The following IL1R1 variants were observed in gnomAD, a reference collection of about 807,000 sequenced individuals.
The protein encoded by IL1R1 is interleukin-1 receptor type 1.
In IL1R1, 22 loss-of-function variants were observed where a neutral mutation model predicts 50.2. The ratio of observed to expected loss-of-function variants is 0.44; its 90% confidence interval spans 0.31 to 0.63. IL1R1 has a LOEUF of 0.63. Ranked by LOEUF, IL1R1 falls within the 20% of genes least tolerant of loss-of-function variation. The pLI is 0.07. For missense variants in IL1R1, 509 were observed against 676.2 expected (o/e 0.75, Z 2.74); for synonymous variants, 251 against 236.7 (o/e 1.06, Z -0.55).
upstream of IL1R1, among the ~76,000 whole-genome samples, chr2:102,138,252 G>A (rs749418012): frequency 3.3e-5 from 5 of 152,132 alleles, no homozygotes; most frequent in Non-Finnish European, 7.4e-5. Flanking sequence ...CTTGGATGTC[G>A]CCAAGTCTAT....
At chr2:102,124,913 C>T (rs1312868643) in intron 1 of IL1R1, among the ~76,000 whole-genome samples, 7 of 145,964 alleles carry the variant, frequency 4.8e-5, no homozygotes, top group African/African-American at 1.8e-4. Flanking sequence ...AAGACTCTGT[C>T]TCAAAAAATA....
intron 1 of IL1R1, among the ~76,000 whole-genome samples, chr2:102,131,647 T>A (rs565244420): frequency 9.3e-5 from 14 of 150,296 alleles, no homozygotes; most frequent in African/African-American, 2.9e-4. Flanking sequence ...ATAGAAACTA[T>A]AAAAAAAAAC....
Position 102,177,726 on chromosome 2 carries a change from T to A in IL1R1, c.*967T>A, listed in dbSNP as rs1686260069. 2 of 152,364 alleles carry A rather than the reference T, an allele frequency of 1.3e-5. No homozygotes were observed. The highest frequency in any genetic ancestry group is 4.8e-5 in the African/African-American group (2 of 41,442). 9.4% of individuals were successfully genotyped at this position (152,364 alleles called of 1,614,324 possible). Reference sequence around the variant, plus strand: ...CAACAGTAGCAGGGAATTGATCCACTTCTTAATGCTTTCCTCCCTGGCATG... The same window carrying A: ...CAACAGTAGCAGGGAATTGATCCACATCTTAATGCTTTCCTCCCTGGCATG... On this transcript the variant is annotated 3_prime_UTR_variant, in exon 12 of 12. Transcript: ENST00000410023.
rs71866133 is a variant in IL1R1, at chr2:102,129,256, TACAACAACA to T, written c.-84+24416_-84+24424del. Among the ~76,000 whole-genome samples, 145 of 149,524 alleles carry T rather than the reference TACAACAACA, an allele frequency of 9.7e-4. 3 individuals are homozygous for T. Among genetic ancestry groups the T allele is most frequent in the South Asian group, 6.5e-3 (30 of 4,634 alleles). ...AATCAACAATGAAACCCCAAAAACC[TACAACAACA>T]ACAACAACAACAACAACAACAACAA... On this transcript the variant is annotated intron_variant, in intron 1 of 10. Coordinates refer to the IL1R1 transcript ENST00000409329.
At chr2:102,095,168 A>G (rs1253470206) in intron 1 of IL1R1, among the ~76,000 whole-genome samples, 1 of 152,212 alleles carries the variant, frequency 6.6e-6, no homozygotes, top group Non-Finnish European at 1.5e-5. Flanking sequence ...CTTTCCCCTG[A>G]GTCACACACA....
At chr2:102,155,053 C>A (rs1163873156) in intron 2 of IL1R1, among the ~76,000 whole-genome samples, 2 of 152,222 alleles carry the variant, frequency 1.3e-5, no homozygotes, top group African/African-American at 4.8e-5. Flanking sequence ...CCCTGGGAAC[C>A]TTGTTCCTGT....
intron 1 of IL1R1, among the ~76,000 whole-genome samples, chr2:102,129,460 G>A (rs527974833): frequency 5.9e-5 from 9 of 152,172 alleles, no homozygotes; most frequent in African/African-American, 2.2e-4. Flanking sequence ...ATTGAGCATA[G>A]GTCAGATGAC....
chr2:102,149,769 T>G (rs1190027813), intron 1 of IL1R1, among the ~76,000 whole-genome samples: 3 of 152,128 alleles, frequency 2.0e-5, no homozygotes, highest in Non-Finnish European at 2.9e-5. Flanking sequence ...CAGGGCCCCT[T>G]CCAATATGGA....
At chr2:102,115,430 G>A (rs796966152) in intron 1 of IL1R1, among the ~76,000 whole-genome samples, 35 of 152,260 alleles carry the variant, frequency 2.3e-4, no homozygotes, top group Non-Finnish European at 3.7e-4. Context: ...TTGTGTAAAC[G>A]TAGCCACTTT....
intron 10 of IL1R1, 32 bp from the exon 11 acceptor site, chr2:102,175,446 G>A: frequency 6.4e-7 from 1 of 1,562,450 alleles, no homozygotes; most frequent in Non-Finnish European, 8.8e-7. Context: ...TTTTTGCCTT[G>A]TGGTTCTAAA....
chr2:102,148,981 C>CAAACAAACAAAG lies in IL1R1; in HGVS notation c.-83-4960_-83-4959insAAACAAACAAAG, dbSNP rs1553632095. ...ACAAACAAACAAACAAACAAACAAA[C>CAAACAAACAAAG]GGGTAACAGGAAGACATCATAATTA... On this transcript the variant is annotated intron_variant, in intron 1 of 11. Transcript: ENST00000410023. 1.2e-4 allele frequency among the ~76,000 whole-genome samples: 18 copies of CAAACAAACAAAG among 147,568 alleles called. 2 individuals carry two copies. Among genetic ancestry groups the CAAACAAACAAAG allele is most frequent in the African/African-American group, 3.4e-4 (14 of 40,586 alleles).
intron 1 of IL1R1, among the ~76,000 whole-genome samples, chr2:102,077,527 C>G (rs746987876): frequency 8.5e-5 from 13 of 152,202 alleles, no homozygotes. Flanking sequence ...GATCTTTCCT[C>G]TAGCATCTTG....
intron 1 of IL1R1, among the ~76,000 whole-genome samples, chr2:102,106,014 G>T (rs1314217859): frequency 6.6e-6 from 1 of 152,160 alleles, no homozygotes; most frequent in Non-Finnish European, 1.5e-5. Context: ...ATTAAGGAAA[G>T]AAAATAACAA....
chr2:102,125,765 G>A (rs531423484), intron 1 of IL1R1, among the ~76,000 whole-genome samples: 24 of 152,320 alleles, frequency 1.6e-4, no homozygotes, highest in African/African-American at 5.8e-4. Flanking sequence ...AAGGAAGACT[G>A]AGGAATGCGA....
At chr2:102,099,032 A>G (rs551276393) in intron 1 of IL1R1, among the ~76,000 whole-genome samples, 2 of 152,356 alleles carry the variant, frequency 1.3e-5, no homozygotes, top group Non-Finnish European at 2.9e-5. Context: ...TTACCTTATT[A>G]AACACAATAA....
intron 1 of IL1R1, among the ~76,000 whole-genome samples, chr2:102,080,709 C>T (rs1240186045): frequency 6.6e-6 from 1 of 152,128 alleles, no homozygotes; most frequent in East Asian, 1.9e-4. Flanking sequence ...AATTCCACTC[C>T]TAGGTATCTA....
intron 6 of IL1R1, among the ~76,000 whole-genome samples, chr2:102,167,053 A>G (rs1006707790): frequency 4.6e-5 from 7 of 152,190 alleles, no homozygotes; most frequent in African/African-American, 1.4e-4. Flanking sequence ...GATTTATGTA[A>G]TAAAATAAGA....
rs1686057517 is a variant in IL1R1 at position 102,175,577 on chromosome 2, C to G, written c.1235C>G (p.Pro412Arg). ...GATATTTTTGTGTTTAAAGTCTTGCCTGAGGTCTTGGAAAAACAGTGTGGA... is the reference window on the plus strand; with the variant it reads ...GATATTTTTGTGTTTAAAGTCTTGCGTGAGGTCTTGGAAAAACAGTGTGGA... ...DCDIFVFKVLPEVLEKQCGYK... is the reference protein window; with the variant it reads ...DCDIFVFKVLREVLEKQCGYK... The change falls in exon 11 of 12, where the codon CCT (proline) becomes CGT (arginine). Residue 412 changes from proline (P) to arginine (R), a missense_variant. Transcript: ENST00000410023. 2 of 1,613,846 alleles carry G rather than the reference C, an allele frequency of 1.2e-6. No homozygotes were observed. Among genetic ancestry groups the G allele is most frequent in the Non-Finnish European group, 1.7e-6 (2 of 1,179,938 alleles).
chr2:102,174,405 C>A (rs1452434677), intron 9 of IL1R1, among the ~76,000 whole-genome samples, 182 bp from the exon 10 acceptor site: 1 of 152,134 alleles, frequency 6.6e-6, no homozygotes, highest in Non-Finnish European at 1.5e-5. Flanking sequence ...TTAGTTTTAT[C>A]ATTGCTTTGT....
Sources: allele counts gnomAD v4.1 joint callset (sites outside exome capture counted in the v4.1 genomes callset), GRCh38; gene constraint gnomAD v4.1.1; transcripts MANE v1.5; gene names NCBI Gene and HGNC (gene_info 2026-07-23, HGNC 2026-07-21).